Variants in PEAK1 observed in about 807,000 individuals in gnomAD.
The protein encoded by PEAK1 is inactive tyrosine-protein kinase PEAK1.
A neutral mutation model predicts 124.7 loss-of-function variants in PEAK1; 54 were observed. That is an observed-to-expected ratio of 0.43 (90% confidence interval 0.35 to 0.54). The LOEUF is 0.54. Ranked by LOEUF, PEAK1 falls within the 20% of genes least tolerant of loss-of-function variation. The probability of loss-of-function intolerance (pLI) is 0.01; values close to 1 mark genes in which losing one functional copy is unlikely to be tolerated. For missense variants in PEAK1, 2,046 were observed against 2,134.5 expected (o/e 0.96, Z 0.82); for synonymous variants, 719 against 760.0 (o/e 0.95, Z 0.89).
At chr15:77,402,625 T>G in intron 1 of PEAK1, 14 of 984,868 alleles carry the variant, frequency 1.4e-5, no homozygotes, top group Non-Finnish European at 1.7e-5. Context: ...AGTGGGGGCA[T>G]ATAATGAAAA....
intron 2 of PEAK1, among the ~76,000 whole-genome samples, chr15:77,330,426 C>A (rs1320773347): frequency 6.6e-6 from 1 of 152,060 alleles, no homozygotes; most frequent in East Asian, 1.9e-4. Flanking sequence ...ATATTTCATC[C>A]CTCTGCTCAA....
chr15:77,418,041 T>C, intron 1 of PEAK1: 1 of 981,724 alleles, frequency 1.0e-6, no homozygotes. Flanking sequence ...GGCAAACAGT[T>C]ATGAAGTGGC....
chr15:77,282,767 C>T (rs2062736011), intron 5 of PEAK1, among the ~76,000 whole-genome samples: 1 of 152,212 alleles, frequency 6.6e-6, no homozygotes, highest in African/African-American at 2.4e-5. Context: ...TAGCAAGACA[C>T]AATCATATTA....
Position 77,365,201 on chromosome 15 carries a change from CA to C in PEAK1, c.-642del. The C allele has an allele frequency of 1.0e-6, 1 of 983,356 alleles. No individual in the cohort carries two copies. Among genetic ancestry groups the C allele is most frequent in the Non-Finnish European group, 1.2e-6 (1 of 828,098 alleles). The allele number at this position is 983,356 out of a possible 1,614,324, so 60.9% of individuals were successfully genotyped here. On this transcript the variant is annotated 5_prime_UTR_variant, in exon 2 of 10. An upstream start codon of the reference 5' UTR is lost. Transcript: ENST00000682557. ...ATAAACCACAAAGAAATGTCTACAG[CA>C]TAAGTTCCAGTTTGGGCAGATACCT...
intron 8 of PEAK1, among the ~76,000 whole-genome samples, chr15:77,134,434 T>C (rs2152743162): frequency 6.6e-6 from 1 of 152,356 alleles, no homozygotes; most frequent in Admixed American, 6.5e-5. Context: ...AGTCAACTTC[T>C]GTTCTGAACA....
chr15:77,178,809 T>G lies in PEAK1; in HGVS notation c.3118A>C (p.Ile1040Leu). 1.2e-6 allele frequency: 2 copies of G among 1,613,308 alleles called. No individual in the cohort carries two copies. The highest frequency in any genetic ancestry group is 1.7e-6 in the Non-Finnish European group (2 of 1,179,676). ...ACATACCTGAGAATCTTTTTAGGAA[T>G]CTGTGATGGAGAAGAATGACTCCTC... The part of the protein sequence containing the change: ...KKRSHSSPSQ[I>L]PKKILSHMTH... The change falls in exon 7 of 10, where the codon ATT becomes CTT. Residue 1040 changes from isoleucine (I) to leucine (L), a missense_variant. By Grantham distance (5) the Ile-to-Leu change is conservative (BLOSUM62 2). Coordinates refer to ENST00000682557, the MANE Select transcript of PEAK1 (RefSeq NM_001385026.1).
chr15:77,399,102 G>A (rs2071137143), intron 1 of PEAK1, among the ~76,000 whole-genome samples: 1 of 152,074 alleles, frequency 6.6e-6, no homozygotes, highest in South Asian at 2.1e-4. Context: ...GATGAAATAA[G>A]TGGAAGAAGA....
At chr15:77,157,391 T>G (rs998734134) in intron 8 of PEAK1, 1 of 152,250 alleles carries the variant, frequency 6.6e-6, no homozygotes, top group African/African-American at 2.4e-5. Context: ...TGAGAAATCC[T>G]TATTCTGCCT....
At chr15:77,192,441 C>T (rs1188028213) in intron 6 of PEAK1, among the ~76,000 whole-genome samples, 2 of 152,214 alleles carry the variant, frequency 1.3e-5, no homozygotes, top group East Asian at 3.9e-4. Flanking sequence ...GAAGCTCAGA[C>T]TCTGGGGAGT....
At chr15:77,343,483 T>C (rs903747170) in intron 2 of PEAK1, among the ~76,000 whole-genome samples, 1 of 1,860 alleles carries the variant, frequency 5.4e-4, no homozygotes, top group Non-Finnish European at 1.8e-3. Flanking sequence ...TCCAACTTAC[T>C]TTTTTTTTTT....
intron 2 of PEAK1, among the ~76,000 whole-genome samples, chr15:77,346,979 G>A (rs1357710551): frequency 6.6e-6 from 1 of 152,218 alleles, no homozygotes; most frequent in African/African-American, 2.4e-5. Flanking sequence ...AATTTACAGT[G>A]AGTTGTCAAG....
At chr15:77,187,779 G>A (rs2057622192) in intron 6 of PEAK1, among the ~76,000 whole-genome samples, 4 of 152,266 alleles carry the variant, frequency 2.6e-5, no homozygotes, top group Admixed American at 2.6e-4. Context: ...CTCTCAGTGA[G>A]GATCTATTGC....
intron 1 of PEAK1, chr15:77,402,529 AG>A (rs1222260699): frequency 9.3e-6 from 9 of 969,992 alleles, no homozygotes; most frequent in Non-Finnish European, 1.1e-5. Flanking sequence ...TATCATGTGA[AG>A]AAAAAGAAAA....
At chr15:77,388,573 CT>C (rs1455443831) in intron 1 of PEAK1, among the ~76,000 whole-genome samples, 1 of 152,192 alleles carries the variant, frequency 6.6e-6, no homozygotes, top group Non-Finnish European at 1.5e-5. Context: ...TTACCTGAAT[CT>C]TCTCTCCGTG....
At chr15:77,342,365 T>C (rs1023740437) in intron 2 of PEAK1, among the ~76,000 whole-genome samples, 1 of 151,602 alleles carries the variant, frequency 6.6e-6, no homozygotes, top group African/African-American at 2.4e-5. Context: ...TGAATTTGAC[T>C]ACTTCAGATA....
chr15:77,333,542 C>T (rs1374771881), intron 2 of PEAK1: 1 of 868,086 alleles, frequency 1.2e-6, no homozygotes, highest in Non-Finnish European at 1.4e-6. Context: ...TATATTTACA[C>T]ACACACATTT....
chr15:77,238,164 G>A lies in PEAK1; in HGVS notation c.-115+14203C>T, dbSNP rs568446116. Among the ~76,000 whole-genome samples, 7 of 152,184 alleles carry A rather than the reference G, an allele frequency of 4.6e-5. No homozygotes were observed. The South Asian group carries it at 1.5e-3, about 32-fold the overall frequency. ...AGTAATTATGCTTATCATGAGTACT[G>A]CATGTCTAAAAAATGTCAGTTTTAT... is the stretch of plus-strand genomic sequence containing the variant. On this transcript the variant is annotated intron_variant, in intron 6 of 9. Coordinates refer to ENST00000682557, the MANE Select transcript of PEAK1 (RefSeq NM_001385026.1).
intron 6 of PEAK1, among the ~76,000 whole-genome samples, chr15:77,225,663 A>ATAT (rs56047702): frequency 2.6e-5 from 1 of 38,978 alleles, no homozygotes; most frequent in Non-Finnish European, 6.5e-5. Context: ...GTGTGTGTAT[A>ATAT]ATTTATATAT....
chr15:77,180,839 T>G lies in PEAK1; in HGVS notation c.1088A>C (p.Lys363Thr). 1 of 1,613,880 alleles carries G rather than the reference T, an allele frequency of 6.2e-7. No homozygotes were observed. The highest frequency in any genetic ancestry group is 8.5e-7 in the Non-Finnish European group (1 of 1,179,894). ...RSETASSLSQ[K>T]ICNGGLSPGN... The stretch of plus-strand genomic sequence containing the variant: ...AGGAGATAATCCCCCATTACAAATC[T>G]TCTGGGATAAACTACTGGCTGTCTC... Residue 363 changes from lysine to threonine, a missense_variant, in exon 7 of 10, where the codon AAG becomes ACG. Lys to Thr is a moderately conservative substitution (Grantham distance 78). Transcript: ENST00000682557.
Sources: gnomAD v4.1 joint callset for allele counts (sites outside exome capture counted in the v4.1 genomes callset) on GRCh38, gnomAD v4.1.1 for gene constraint, MANE v1.5 for transcripts, NCBI Gene and HGNC (gene_info 2026-07-23, HGNC 2026-07-21) for gene names.